SNAP47: variants seen among roughly 807,000 people sequenced by gnomAD.
The protein encoded by SNAP47 is synaptosomal-associated protein 47.
SNAP47 carries 20 observed loss-of-function variants against 31.4 expected under a neutral mutation model. That is an observed-to-expected ratio of 0.64 (90% CI 0.45 to 0.93). SNAP47 has a LOEUF of 0.93. Among genes scored for constraint, SNAP47 ranks in the 40% least tolerant of loss-of-function variants. The pLI, the probability that SNAP47 is intolerant of heterozygous loss-of-function variation, is 0.00. For missense variants in SNAP47, 492 were observed against 528.5 expected (o/e 0.93, Z 0.68); for synonymous variants, 194 against 213.4 (o/e 0.91, Z 0.79).
intron 2 of SNAP47, among the ~76,000 whole-genome samples, chr1:227,754,110 CAGA>C (rs1382444503): frequency 1.3e-5 from 2 of 152,214 alleles, no homozygotes; most frequent in African/African-American, 4.8e-5. Flanking sequence ...TAGCTCTCAG[CAGA>C]TGGGGAAGCC....
At chr1:227,767,215 G>A in intron 4 of SNAP47, 132 bp downstream of exon 4, 2 of 1,351,402 alleles carry the variant, frequency 1.5e-6, no homozygotes, top group Non-Finnish European at 2.0e-6. Context: ...AGGAGGAGCT[G>A]CTGGCCTCCA....
At chr1:227,732,467 G>A, upstream of SNAP47, 1 of 1,613,320 alleles carries the variant, frequency 6.2e-7, no homozygotes. Flanking sequence ...AGAACGCGCT[G>A]GTGTCCACTC....
intron 3 of SNAP47, among the ~76,000 whole-genome samples, chr1:227,761,320 T>C (rs565785573): frequency 6.6e-6 from 1 of 152,316 alleles, no homozygotes; most frequent in South Asian, 2.1e-4. Flanking sequence ...TTGAGTCCCA[T>C]GAGCCCCAGG....
intron 1 of SNAP47, among the ~76,000 whole-genome samples, chr1:227,745,064 G>A (rs1661873878): frequency 6.6e-6 from 1 of 152,228 alleles, no homozygotes; most frequent in African/African-American, 2.4e-5. Context: ...GCTTTTGCCT[G>A]AGGCAGTGGT....
At chr1:227,735,193 C>G (rs1398321545), upstream of SNAP47, 2 of 1,581,588 alleles carry the variant, frequency 1.3e-6, no homozygotes, top group Admixed American at 1.8e-5. Context: ...CTACCCGGCC[C>G]GGAGCCTGGC....
intron 1 of SNAP47, among the ~76,000 whole-genome samples, chr1:227,737,777 A>G (rs1424923125): frequency 6.6e-6 from 1 of 152,104 alleles, no homozygotes; most frequent in Non-Finnish European, 1.5e-5. Flanking sequence ...TAAAGGTGGG[A>G]TATGAGGGCA....
intron 3 of SNAP47, among the ~76,000 whole-genome samples, chr1:227,765,967 G>A (rs1663369173): frequency 6.6e-6 from 1 of 152,186 alleles, no homozygotes; most frequent in Non-Finnish European, 1.5e-5. Context: ...AGCTTGTCAA[G>A]ATCATTTAGG....
At chr1:227,735,865 A>G (rs1411076185) in intron 1 of SNAP47, 4 of 348,740 alleles carry the variant, frequency 1.1e-5, no homozygotes, top group African/African-American at 3.0e-5. Context: ...TCTGGAGGGG[A>G]CGGTGGGACC....
upstream of SNAP47, chr1:227,734,121 C>G: frequency 6.9e-7 from 1 of 1,451,426 alleles, no homozygotes; most frequent in South Asian, 1.3e-5. Context: ...GACCAATCGG[C>G]TCCAGTGGAG....
At chr1:227,739,838 G>T (rs548023289) in intron 1 of SNAP47, among the ~76,000 whole-genome samples, 10 of 152,330 alleles carry the variant, frequency 6.6e-5, no homozygotes, top group Admixed American at 5.2e-4. Flanking sequence ...TCAGCTGTGT[G>T]TTCTCAGGGT....
At chr1:227,734,577 C>T, upstream of SNAP47, 1 of 1,479,604 alleles carries the variant, frequency 6.8e-7, no homozygotes, top group Non-Finnish European at 9.3e-7. Context: ...CAGGGGCCAC[C>T]TTCATCAGAA....
intron 4 of SNAP47, among the ~76,000 whole-genome samples, chr1:227,778,042 AG>A: frequency 6.6e-6 from 1 of 152,396 alleles, no homozygotes; most frequent in South Asian, 2.1e-4. Context: ...TGGTAAAAAC[AG>A]AAGACAAAGT....
chr1:227,735,920 C>CTGGAGGGGATGGGTACAG (rs1661114186), intron 1 of SNAP47, among the ~76,000 whole-genome samples: 1 of 127,766 alleles, frequency 7.8e-6, no homozygotes, highest in African/African-American at 3.1e-5. Flanking sequence ...ACGGTGGGAT[C>CTGGAGGGGATGGGTACAG]TGGAGGGGAT....
chr1:227,763,303 C>G lies in SNAP47; in HGVS notation c.989-3656C>G, dbSNP rs2102965103. On this transcript the variant is annotated intron_variant, in intron 3 of 4. Transcript: ENST00000617596. This position sits in a 1 kb window ranked among gnomAD's most constrained non-coding sequence, Gnocchi z 4.2. ...TGATCACTGAGATTTTTCTTTGTCA[C>G]TCACTGCCTGTCTTGGGGGTAAGGC... Among the ~76,000 whole-genome samples, 1 of 152,280 alleles carries G rather than the reference C, an allele frequency of 6.6e-6. No individual in the cohort carries two copies. Among genetic ancestry groups the G allele is most frequent in the Admixed American group, 6.5e-5 (1 of 15,292 alleles).
intron 4 of SNAP47, among the ~76,000 whole-genome samples, chr1:227,769,723 G>A (rs1230004708): frequency 2.6e-5 from 4 of 152,060 alleles, no homozygotes; most frequent in South Asian, 2.1e-4. Context: ...GTGGAGGGCC[G>A]GGGGCTGTAG....
At chr1:227,767,367 C>T (rs537037371) in intron 4 of SNAP47, among the ~76,000 whole-genome samples, 71 of 152,166 alleles carry the variant, frequency 4.7e-4, no homozygotes, top group African/African-American at 1.6e-3. Flanking sequence ...TGTACATGTC[C>T]GTGTGTGTGT....
In SNAP47 at chr1:227,780,665, C is replaced by T; in HGVS notation, c.1252C>T (p.Leu418=). 1 of 1,614,142 alleles carries T rather than the reference C, an allele frequency of 6.2e-7. No homozygotes were observed. The highest frequency in any genetic ancestry group is 8.5e-7 in the Non-Finnish European group (1 of 1,180,012). The part of the protein sequence containing the change: ...IDKHNRRMKR[L]T ...CAAGCACAACAGGCGGATGAAGAGG[C>T]TGACCTAGGGGCAGAACGTCCCTGC... Residue 418 remains leucine, a synonymous_variant, in exon 5 of 5, where the codon CTG becomes TTG. Transcript: ENST00000617596.
In SNAP47 at chr1:227,741,340, C is replaced by T. The variant is rs1661583211; in HGVS notation, c.-46+5841C>T. Among the ~76,000 whole-genome samples the T allele has an allele frequency of 6.6e-6, 1 of 152,144 alleles. No individual in the cohort carries two copies. The highest frequency in any genetic ancestry group is 1.5e-5 in the Non-Finnish European group (1 of 68,020). On this transcript the variant is annotated intron_variant, in intron 1 of 4. Transcript: ENST00000617596. This position sits in a 1 kb window ranked among gnomAD's most constrained non-coding sequence, Gnocchi z 4.2. ...TATGGCCAAGGAGAGTGGACGCAGGCACTCATGGAAGTGGGGCTGGAGACC... is the reference window on the plus strand; with the variant it reads ...TATGGCCAAGGAGAGTGGACGCAGGTACTCATGGAAGTGGGGCTGGAGACC...
At chr1:227,774,217 A>C (rs181857864) in intron 4 of SNAP47, among the ~76,000 whole-genome samples, 269 of 152,344 alleles carry the variant, frequency 1.8e-3, no homozygotes, top group African/African-American at 6.2e-3. Flanking sequence ...AGTGCTGTGC[A>C]GGCTGCCTGT....
Sources: allele counts gnomAD v4.1 joint callset (sites outside exome capture counted in the v4.1 genomes callset), GRCh38; gene constraint gnomAD v4.1.1; non-coding constraint Gnocchi (gnomAD v3.1); transcripts MANE v1.5; gene names NCBI Gene and HGNC (gene_info 2026-07-23, HGNC 2026-07-21).